Variants in RABGAP1L observed in about 807,000 individuals in gnomAD.
The protein encoded by RABGAP1L is rab GTPase-activating protein 1-like.
Under a neutral mutation model 137.7 loss-of-function variants are expected in RABGAP1L, and 63 were observed. That is an observed-to-expected ratio of 0.46 (90% confidence interval 0.37 to 0.56). The LOEUF (loss-of-function observed/expected upper bound fraction) is 0.56. Ranked by LOEUF, RABGAP1L falls within the 20% of genes least tolerant of loss-of-function variation. The pLI, the probability that RABGAP1L is intolerant of heterozygous loss-of-function variation, is 0.00. For missense variants in RABGAP1L, 1,095 were observed against 1,244.0 expected (o/e 0.88, Z 1.80); for synonymous variants, 431 against 433.7 (o/e 0.99, Z 0.08).
At chr1:174,602,963 A>T (rs1670525778) in intron 13 of RABGAP1L, among the ~76,000 whole-genome samples, 1 of 151,982 alleles carries the variant, frequency 6.6e-6, no homozygotes, top group Non-Finnish European at 1.5e-5. Flanking sequence ...TACTTAGTTC[A>T]TTTTTGAGGT....
intron 14 of RABGAP1L, among the ~76,000 whole-genome samples, chr1:174,652,328 A>C (rs767196188): frequency 2.6e-5 from 4 of 151,642 alleles, no homozygotes; most frequent in Non-Finnish European, 5.9e-5. Flanking sequence ...AGCTCCATCC[A>C]GTTTTGTTCC....
At chr1:174,819,129 G>C (rs1261691535) in intron 19 of RABGAP1L, among the ~76,000 whole-genome samples, 1 of 144,504 alleles carries the variant, frequency 6.9e-6, no homozygotes, top group Non-Finnish European at 1.5e-5. Flanking sequence ...GCTGCAGTGA[G>C]CTATGACTGT....
intron 19 of RABGAP1L, among the ~76,000 whole-genome samples, chr1:174,838,886 C>A (rs1274570011): frequency 8.1e-6 from 1 of 123,284 alleles, no homozygotes; most frequent in Non-Finnish European, 1.6e-5. Flanking sequence ...CCACTGCACT[C>A]CAGCCTGGGC....
intron 14 of RABGAP1L, 46 bp from the exon 15 acceptor site, chr1:174,683,476 A>G: frequency 7.5e-6 from 11 of 1,474,616 alleles, no homozygotes; most frequent in Non-Finnish European, 1.0e-5. Flanking sequence ...TTAAGTTAAA[A>G]TCTGTGACTA....
chr1:174,366,977 A>C (rs1338417996), intron 11 of RABGAP1L: 1 of 152,082 alleles, frequency 6.6e-6, no homozygotes. Context: ...AAACCTTGAA[A>C]AATAGGTGTT....
intron 10 of RABGAP1L, among the ~76,000 whole-genome samples, chr1:174,293,718 G>T (rs528745730): frequency 2.0e-5 from 3 of 151,990 alleles, no homozygotes; most frequent in East Asian, 3.9e-4. Flanking sequence ...TGAGATGCCG[G>T]TATTCATTTT....
At chr1:174,596,095 T>G in intron 13 of RABGAP1L, among the ~76,000 whole-genome samples, 1 of 128,674 alleles carries the variant, frequency 7.8e-6, no homozygotes. Context: ...AGCGCAATAT[T>G]CGGGTGGGAG....
chr1:174,215,284 C>A (rs1669204939), intron 1 of RABGAP1L, among the ~76,000 whole-genome samples: 1 of 151,982 alleles, frequency 6.6e-6, no homozygotes, highest in Non-Finnish European at 1.5e-5. Context: ...TAGTGAAACC[C>A]TGTCTCTACC....
At chr1:174,764,017 A>G (rs1300854906) in intron 18 of RABGAP1L, among the ~76,000 whole-genome samples, 3 of 152,140 alleles carry the variant, frequency 2.0e-5, no homozygotes, top group Non-Finnish European at 2.9e-5. Flanking sequence ...CTATCTCTGT[A>G]GATTTACCTA....
At chr1:174,336,008 T>C (rs189641112) in intron 11 of RABGAP1L, among the ~76,000 whole-genome samples, 1 of 152,324 alleles carries the variant, frequency 6.6e-6, no homozygotes, top group African/African-American at 2.4e-5. Context: ...TTTAGTAAAA[T>C]CTGCATTTTT....
chr1:174,391,107 TA>T (rs2149076306), intron 12 of RABGAP1L, among the ~76,000 whole-genome samples: 3 of 152,208 alleles, frequency 2.0e-5, no homozygotes, highest in African/African-American at 7.2e-5. Flanking sequence ...GGAGTGAAAA[TA>T]TGTCTTGAAT....
intron 7 of RABGAP1L, among the ~76,000 whole-genome samples, chr1:174,267,341 T>C (rs1190687020): frequency 6.6e-6 from 1 of 152,212 alleles, no homozygotes; most frequent in African/African-American, 2.4e-5. Context: ...TTGAAGGATA[T>C]GAATAGGACA....
intron 1 of RABGAP1L, among the ~76,000 whole-genome samples, chr1:174,217,066 G>A (rs935859998): frequency 1.3e-5 from 2 of 152,090 alleles, no homozygotes; most frequent in African/African-American, 4.8e-5. Flanking sequence ...ATGGATAGAT[G>A]TGAGTCTTAT....
intron 24 of RABGAP1L, among the ~76,000 whole-genome samples, chr1:174,985,444 G>T (rs1037640762): frequency 6.6e-6 from 1 of 152,118 alleles, no homozygotes; most frequent in Non-Finnish European, 1.5e-5. Flanking sequence ...TGATAAGGTC[G>T]CAAACAGGTA....
At position 174,448,838 on chromosome 1, in the gene RABGAP1L, C is replaced by G; in HGVS notation, c.1710+54693C>G. The G allele has an allele frequency of 6.2e-7, 1 of 1,614,050 alleles. No homozygotes were observed. On this transcript the variant is annotated intron_variant, in intron 13 of 25. Transcript: ENST00000681986. The surrounding 1 kb of genome is among the most constrained non-coding windows in gnomAD (Gnocchi z 4.2). ...CAAAGAGATAAATGACCGAAGAGCC[C>G]GATTCCCTAGTCATGAGGTAGATTC...
At chr1:174,918,172 A>T (rs1364895280) in intron 19 of RABGAP1L, among the ~76,000 whole-genome samples, 1 of 152,148 alleles carries the variant, frequency 6.6e-6, no homozygotes, top group East Asian at 1.9e-4. Context: ...CTGGATGCAA[A>T]GAGACTTAAG....
At chr1:174,969,494 A>G in intron 21 of RABGAP1L, 107 bp downstream of exon 21, 1 of 801,454 alleles carries the variant, frequency 1.2e-6, no homozygotes, top group Non-Finnish European at 2.1e-6. Context: ...TTCTTGAGGA[A>G]TGGACAAGTG....
intron 19 of RABGAP1L, among the ~76,000 whole-genome samples, chr1:174,942,729 G>A (rs1484886432): frequency 6.6e-6 from 1 of 152,192 alleles, no homozygotes; most frequent in Non-Finnish European, 1.5e-5. Context: ...GCAGTGATAT[G>A]GTTAAATCAT....
chr1:174,266,026 T>G (rs187561729), intron 7 of RABGAP1L, among the ~76,000 whole-genome samples: 3 of 152,288 alleles, frequency 2.0e-5, no homozygotes, highest in African/African-American at 7.2e-5. Context: ...GAGTAACCAA[T>G]TTTTAAATCT....
Sources: gnomAD v4.1 joint callset for allele counts (sites outside exome capture counted in the v4.1 genomes callset) on GRCh38, gnomAD v4.1.1 for gene constraint, Gnocchi (gnomAD v3.1) non-coding constraint, MANE v1.5 for transcripts, NCBI Gene and HGNC (gene_info 2026-07-23, HGNC 2026-07-21) for gene names.